Variants in TUT7 observed in about 807,000 individuals in gnomAD.
TUT7 encodes the protein terminal uridylyl transferase 7.
A neutral mutation model predicts 165.9 loss-of-function variants in TUT7; 33 were observed. That is an observed-to-expected ratio of 0.20 (90% CI 0.15 to 0.27). TUT7 has a LOEUF of 0.27. TUT7 is among the 10% of genes least tolerant of loss of function. The pLI is 1.00. For synonymous variants in TUT7, 552 were observed against 608.1 expected (o/e 0.91, Z 1.36); for missense variants, 1,338 against 1,762.3 (o/e 0.76, Z 4.31).
chr9:86,311,503 T>G lies in TUT7; in HGVS notation c.3275-694A>C, dbSNP rs2131360018. 6.6e-6 allele frequency among the ~76,000 whole-genome samples: 1 copy of G among 152,136 alleles called. No individual in the cohort carries two copies. Among genetic ancestry groups the G allele is most frequent in the South Asian group, 2.1e-4 (1 of 4,816 alleles). On this transcript the variant is annotated intron_variant, in intron 17 of 26. Coordinates refer to ENST00000375963, the MANE Select transcript of TUT7 (RefSeq NM_024617.4). The surrounding 1 kb of genome is among the most constrained non-coding windows in gnomAD (Gnocchi z 4.4). ...ATGGAATATGAGGCATAGGAGATGG[T>G]GGAGAAACTGGGAAAGGTCCAACTA...
rs1403220001 is a variant in TUT7, at chr9:86,338,828, C to A, written c.1330G>T (p.Ala444Ser). 6.2e-7 allele frequency: 1 copy of A among 1,604,766 alleles called. No individual in the cohort carries two copies. The highest frequency in any genetic ancestry group is 1.3e-5 in the African/African-American group (1 of 74,758). Reference protein sequence around the residue: ...VPLVIAFRYWAKLCSIDRPEE... With the variant: ...VPLVIAFRYWSKLCSIDRPEE... ...CATAAAGACCTCAAGCCTACCTTTG[C>A]CCAGTACCTAAATGCAATCACCAAA... The change falls in exon 9 of 27, where the codon GCA becomes TCA. Residue 444 changes from alanine (A) to serine (S), a missense_variant. By Grantham distance (99) the Ala-to-Ser change is moderately conservative (BLOSUM62 1). Coordinates refer to ENST00000375963, the MANE Select transcript of TUT7 (RefSeq NM_024617.4).
rs138841623 is a variant in TUT7, at chr9:86,348,515, G to C, written c.521-2035C>G. The stretch of plus-strand genomic sequence containing the variant: ...GCCTGTAATTCCCAGCACTTTGGGA[G>C]GGTAAGGTGGGAGGACTGCTTGAGC... On this transcript the variant is annotated intron_variant, in intron 2 of 26. Transcript: ENST00000375963. 3.5e-4 allele frequency among the ~76,000 whole-genome samples: 53 copies of C among 152,276 alleles called. 1 individual carries two copies. The East Asian group carries it at 9.7e-3, about 28-fold the overall frequency.
At chr9:86,308,701 T>C in intron 21 of TUT7, 95 bp from the exon 22 acceptor site, 1 of 1,058,682 alleles carries the variant, frequency 9.4e-7, no homozygotes, top group East Asian at 2.6e-5. Context: ...TGGATTTATT[T>C]CTAATTAACT....
intron 10 of TUT7, among the ~76,000 whole-genome samples, chr9:86,336,077 T>A (rs1182836831): frequency 6.6e-6 from 1 of 152,164 alleles, no homozygotes; most frequent in Non-Finnish European, 1.5e-5. Flanking sequence ...GATGACTACT[T>A]AGAGAAGATC....
intron 26 of TUT7, among the ~76,000 whole-genome samples, chr9:86,289,164 T>C (rs1473290165): frequency 6.6e-6 from 1 of 152,178 alleles, no homozygotes; most frequent in Non-Finnish European, 1.5e-5. Context: ...TGGATGGTAA[T>C]CATTGTAGCA....
Position 86,352,699 on chromosome 9 carries a change from T to C in TUT7, c.501A>G (p.Glu167=), listed in dbSNP as rs2131635117. 6.2e-7 allele frequency: 1 copy of C among 1,614,236 alleles called. No individual in the cohort carries two copies. The highest frequency in any genetic ancestry group is 1.3e-5 in the African/African-American group (1 of 75,070). Residue 167 remains glutamate (E), a synonymous_variant, in exon 2 of 27, where the codon GAA becomes GAG. Transcript: ENST00000375963. ...CATTACCAGGACTTCCTGCTTCCAT[T>C]TCTGACGTGGTTTCTAGGCTTGTTA... ...KDLTSLETTS[E]MEAGSPENKK...
At chr9:86,335,509 G>C (rs1830682655) in intron 10 of TUT7, among the ~76,000 whole-genome samples, 1 of 152,178 alleles carries the variant, frequency 6.6e-6, no homozygotes, top group Admixed American at 6.5e-5. Flanking sequence ...TTTGTGAAAA[G>C]ACAGATCAGA....
Position 86,340,096 on chromosome 9 carries a change from A to G in TUT7, c.1148T>C (p.Ile383Thr). 3.1e-6 allele frequency: 5 copies of G among 1,613,690 alleles called. No homozygotes were observed. Among genetic ancestry groups the G allele is most frequent in the Non-Finnish European group, 2.5e-6 (3 of 1,179,660 alleles). The change falls in exon 8 of 27, where the codon ATT becomes ACT. Residue 383 changes from isoleucine (I) to threonine (T), a missense_variant. Coordinates refer to ENST00000375963, the MANE Select transcript of TUT7 (RefSeq NM_024617.4). The part of the protein sequence containing the change: ...QECLKNSDSF[I>T]DVDADFHARV... ...AGCATGGAAGTCTGCATCAACATCA[A>G]TAAAGGAGTCTGAGGAAAGAAGAAG...
At chr9:86,340,391 T>C (rs1191998372) in intron 7 of TUT7, among the ~76,000 whole-genome samples, 1 of 152,212 alleles carries the variant, frequency 6.6e-6, no homozygotes, top group African/African-American at 2.4e-5. Context: ...ATTAGAAATA[T>C]AGGTAATACA....
intron 2 of TUT7, among the ~76,000 whole-genome samples, chr9:86,351,596 T>C (rs1832307998): frequency 6.6e-6 from 1 of 152,228 alleles, no homozygotes; most frequent in South Asian, 2.1e-4. Context: ...GACGACCTTT[T>C]GGCTTTTAAG....
At position 86,345,758 on chromosome 9, in the gene TUT7, A is replaced by T. The variant is rs1831699226; in HGVS notation, c.730T>A (p.Tyr244Asn). Residue 244 changes from tyrosine to asparagine, a missense_variant, in exon 4 of 27, where the codon TAC becomes AAC. By Grantham distance (143) the Tyr-to-Asn change is moderately radical. This residue lies in a region of TUT7 where 434 missense variants were observed against 480.8 expected (regional missense o/e 0.90). Coordinates refer to ENST00000375963, the MANE Select transcript of TUT7 (RefSeq NM_024617.4). Reference sequence around the variant, plus strand: ...AAAACATCACAGAGTCTGCAGGTGTACTTTGCTGTAGGGTAGTTTCGTGGT... The same window carrying T: ...AAAACATCACAGAGTCTGCAGGTGTTCTTTGCTGTAGGGTAGTTTCGTGGT... ...RRPRNYPTAK[Y>N]TCRLCDVLIE... 6.2e-7 allele frequency: 1 copy of T among 1,613,384 alleles called. No homozygotes were observed. Among genetic ancestry groups the T allele is most frequent in the Non-Finnish European group, 8.5e-7 (1 of 1,179,626 alleles).
chr9:86,313,221 G>C (rs187530081), intron 17 of TUT7, among the ~76,000 whole-genome samples: 40 of 152,226 alleles, frequency 2.6e-4, no homozygotes, highest in Non-Finnish European at 4.3e-4. Context: ...TAAGTTGGGA[G>C]GAATCACTGA....
At position 86,308,624 on chromosome 9, in the gene TUT7, C is replaced by T; in HGVS notation, c.3661-18G>A. Reference sequence around the variant, plus strand: ...TAGGTAGGCTAGAAATAGAAGGGAACAAGGGATACCATGGTCTTTAGTGAA... The same window carrying T: ...TAGGTAGGCTAGAAATAGAAGGGAATAAGGGATACCATGGTCTTTAGTGAA... On this transcript the variant is annotated intron_variant, in intron 21 of 26. Transcript: ENST00000375963. 2 of 1,587,954 alleles carry T rather than the reference C, an allele frequency of 1.3e-6. No homozygotes were observed. Among genetic ancestry groups the T allele is most frequent in the East Asian group, 4.5e-5 (2 of 44,444 alleles).
chr9:86,297,789 C>T (rs1011697812), intron 26 of TUT7, among the ~76,000 whole-genome samples: 2 of 152,120 alleles, frequency 1.3e-5, no homozygotes, highest in African/African-American at 4.8e-5. Context: ...CTACAATAGT[C>T]TCTCATTTCA....
At chr9:86,336,127 A>G (rs776206965) in intron 10 of TUT7, among the ~76,000 whole-genome samples, 4 of 152,206 alleles carry the variant, frequency 2.6e-5, no homozygotes, top group Admixed American at 1.3e-4. Context: ...GTAAGATGGT[A>G]GTGAGCAAGG....
At chr9:86,318,652 T>C (rs890714270) in intron 16 of TUT7, among the ~76,000 whole-genome samples, 1 of 152,220 alleles carries the variant, frequency 6.6e-6, no homozygotes, top group Non-Finnish European at 1.5e-5. Flanking sequence ...TATGTGAGTG[T>C]GTGATCCAAG....
intron 14 of TUT7, among the ~76,000 whole-genome samples, chr9:86,320,741 T>A (rs1309490984): frequency 6.6e-6 from 1 of 152,140 alleles, no homozygotes. Flanking sequence ...TTTCGGCCCC[T>A]CACAGAGACA....
intron 17 of TUT7, among the ~76,000 whole-genome samples, chr9:86,312,587 C>T (rs1210797124): frequency 2.0e-5 from 3 of 152,162 alleles, no homozygotes; most frequent in East Asian, 1.9e-4. Flanking sequence ...CCCCTCTGCC[C>T]GGCCACCATC....
intron 16 of TUT7, among the ~76,000 whole-genome samples, chr9:86,318,492 A>G (rs1308124904): frequency 6.6e-6 from 1 of 152,224 alleles, no homozygotes; most frequent in Non-Finnish European, 1.5e-5. Context: ...GGAGGAACAG[A>G]TATTATACTT....
Sources: gnomAD v4.1 joint callset for allele counts (sites outside exome capture counted in the v4.1 genomes callset) on GRCh38, gnomAD v4.1.1 for gene constraint, gnomAD v4.1.1 regional missense constraint, Gnocchi (gnomAD v3.1) non-coding constraint, MANE v1.5 for transcripts, NCBI Gene and HGNC (gene_info 2026-07-23, HGNC 2026-07-21) for gene names.